The following RHAG variants were observed in gnomAD, a reference collection of about 807,000 sequenced individuals.
The protein encoded by RHAG is ammonium transporter Rh type A.
RHAG carries 25 observed loss-of-function variants against 42.4 expected under a neutral mutation model. The observed-to-expected ratio is 0.59, with a 90% CI of 0.43 to 0.82. The LOEUF (loss-of-function observed/expected upper bound fraction) is 0.82, where lower values mean the gene tolerates loss of function less well. RHAG is among the 40% of genes least tolerant of loss of function. The probability of loss-of-function intolerance (pLI) is 0.00; values close to 1 mark genes in which losing one functional copy is unlikely to be tolerated. For synonymous variants in RHAG, 182 were observed against 177.7 expected (o/e 1.02, Z -0.19); for missense variants, 483 against 504.6 (o/e 0.96, Z 0.41).
chr6:49,634,502 G>A lies in RHAG; in HGVS notation c.157+2154C>T, dbSNP rs1050708676. Among the ~76,000 whole-genome samples the A allele has an allele frequency of 3.3e-5, 5 of 152,034 alleles. No individual in the cohort carries two copies. The South Asian group carries it at 6.2e-4, about 19-fold the overall frequency. On this transcript the variant is annotated intron_variant, in intron 1 of 9. Transcript: ENST00000371175. ...GAAATCAGTATATTGAAGAGAAAGA[G>A]ATATCTGCACTCTTATGTTTATTGC... is the stretch of plus-strand genomic sequence containing the variant.
At chr6:49,607,949 T>G (rs1292878213) in intron 7 of RHAG, among the ~76,000 whole-genome samples, 1 of 152,158 alleles carries the variant, frequency 6.6e-6, no homozygotes, top group African/African-American at 2.4e-5. Context: ...AGGGAAAGGA[T>G]GCACTAAACT....
intron 7 of RHAG, among the ~76,000 whole-genome samples, chr6:49,607,575 G>A (rs1762495707): frequency 6.6e-6 from 1 of 152,208 alleles, no homozygotes; most frequent in African/African-American, 2.4e-5. Context: ...TCTAGGAACA[G>A]AGGATAGAGT....
At chr6:49,612,232 C>A (rs1268797) in intron 6 of RHAG, among the ~76,000 whole-genome samples, 165 bp downstream of exon 6, 11 of 152,088 alleles carry the variant, frequency 7.2e-5, no homozygotes, top group South Asian at 2.1e-4. Flanking sequence ...CAGAGTAGAA[C>A]CACTGAACCA....
rs147563393 is a variant in RHAG, at chr6:49,618,928, T to G, written c.341+251A>C. On this transcript the variant is annotated intron_variant, in intron 2 of 9. Transcript: ENST00000371175. ...AAGATCAAGATGCTGACAGACTTGGTGTCTGATGAGGGCTCCCTTTCTGGT... is the reference window on the plus strand; with the variant it reads ...AAGATCAAGATGCTGACAGACTTGGGGTCTGATGAGGGCTCCCTTTCTGGT... Among the ~76,000 whole-genome samples, 562 of 152,260 alleles carry G rather than the reference T, an allele frequency of 3.7e-3. 5 individuals carry two copies. Among genetic ancestry groups the G allele is most frequent in the African/African-American group, 0.012 (488 of 41,540 alleles).
chr6:49,610,186 T>C (rs1325170831), intron 7 of RHAG, among the ~76,000 whole-genome samples: 1 of 152,168 alleles, frequency 6.6e-6, no homozygotes, highest in African/African-American at 2.4e-5. Flanking sequence ...TGTATACCTA[T>C]GTAATAAACC....
chr6:49,625,920 CA>C (rs1762835472), intron 1 of RHAG, among the ~76,000 whole-genome samples: 1 of 152,152 alleles, frequency 6.6e-6, no homozygotes, highest in Non-Finnish European at 1.5e-5. Context: ...TTGTGTAGGA[CA>C]ACTCCCCTTT....
At position 49,605,606 on chromosome 6, in the gene RHAG, C is replaced by T. The variant is rs76779158; in HGVS notation, c.*207G>A. On this transcript the variant is annotated 3_prime_UTR_variant, in exon 10 of 10. Coordinates refer to ENST00000371175, the MANE Select transcript of RHAG (RefSeq NM_000324.3). ...CAATTAATCATTGAAGAGCAAGAGACAGCATCAGACATAAGGACATTTTTA... is the reference window on the plus strand; with the variant it reads ...CAATTAATCATTGAAGAGCAAGAGATAGCATCAGACATAAGGACATTTTTA... 1,412 of 660,390 alleles carry T rather than the reference C, an allele frequency of 2.1e-3. 16 individuals are homozygous for T. The African/African-American group carries it at 0.022, about 10-fold the overall frequency. 40.9% of individuals were successfully genotyped at this position (660,390 alleles called of 1,614,324 possible). A position where few individuals can be genotyped will look rare whatever the true frequency, so the allele number is the denominator to read the frequency against.
chr6:49,608,404 G>A (rs572353832), intron 7 of RHAG, among the ~76,000 whole-genome samples: 2 of 151,810 alleles, frequency 1.3e-5, no homozygotes, highest in Non-Finnish European at 2.9e-5. Context: ...TTTTTGAGAC[G>A]GAGTCTCGCT....
chr6:49,626,341 T>A (rs952959012), intron 1 of RHAG, among the ~76,000 whole-genome samples: 1 of 152,178 alleles, frequency 6.6e-6, no homozygotes. Flanking sequence ...ATGGGAGAAA[T>A]TGGCAAAAAC....
At chr6:49,630,099 G>T (rs751760970) in intron 1 of RHAG, among the ~76,000 whole-genome samples, 3 of 152,204 alleles carry the variant, frequency 2.0e-5, no homozygotes, top group Non-Finnish European at 2.9e-5. Flanking sequence ...CTGCCAGCAC[G>T]CTGTCACCTC....
At chr6:49,621,264 G>C (rs965493667) in intron 1 of RHAG, among the ~76,000 whole-genome samples, 1 of 152,282 alleles carries the variant, frequency 6.6e-6, no homozygotes. Flanking sequence ...GGTCAGGAGT[G>C]CCGCCAGATG....
At chr6:49,605,998 A>G (rs1774156917) in intron 9 of RHAG, among the ~76,000 whole-genome samples, 168 bp from the exon 10 acceptor site, 1 of 152,204 alleles carries the variant, frequency 6.6e-6, no homozygotes, top group Admixed American at 6.5e-5. Context: ...CATTTATCTC[A>G]CCCACCCTGA....
At chr6:49,621,313 C>G (rs1762756003) in intron 1 of RHAG, among the ~76,000 whole-genome samples, 1 of 152,184 alleles carries the variant, frequency 6.6e-6, no homozygotes, top group Non-Finnish European at 1.5e-5. Context: ...AAATGCTCTT[C>G]TTTTGCTCAA....
chr6:49,618,667 G>A (rs1762697741), intron 2 of RHAG, among the ~76,000 whole-genome samples: 1 of 152,174 alleles, frequency 6.6e-6, no homozygotes, highest in Non-Finnish European at 1.5e-5. Flanking sequence ...GTAGAGGAAG[G>A]CATTGATTCA....
At chr6:49,626,822 A>G (rs1342988908) in intron 1 of RHAG, among the ~76,000 whole-genome samples, 2 of 152,282 alleles carry the variant, frequency 1.3e-5, no homozygotes, top group African/African-American at 4.8e-5. Flanking sequence ...CCCAAACTTC[A>G]ATTCTTGACT....
In RHAG at chr6:49,619,239, C is replaced by T. The variant is rs1344188537; in HGVS notation, c.281G>A (p.Gly94Asp). The T allele has an allele frequency of 1.2e-6, 2 of 1,614,066 alleles. No individual in the cohort carries two copies. The highest frequency in any genetic ancestry group is 1.7e-6 in the Non-Finnish European group (2 of 1,179,980). ...TTGCAGGATTCCCTGTACAATAGTG[C>T]CCCACTGGAGGCCCAAAGCAGCAAC... The part of the protein sequence containing the change: ...LLVAALGLQW[G>D]TIVQGILQSQ... Residue 94 changes from glycine to aspartate, a missense_variant, in exon 2 of 10, where the codon GGC becomes GAC. By Grantham distance (94) the Gly-to-Asp change is moderately conservative (BLOSUM62 -1). Transcript: ENST00000371175.
chr6:49,607,494 C>A (rs1762494879), intron 7 of RHAG, among the ~76,000 whole-genome samples: 1 of 152,160 alleles, frequency 6.6e-6, no homozygotes, highest in Non-Finnish European at 1.5e-5. Context: ...GGGTTTAGCA[C>A]TCTCAAAAAA....
rs548378013 is a variant in RHAG, at chr6:49,614,909, G to C, written c.641-56C>G. The C allele has an allele frequency of 2.2e-4, 321 of 1,475,306 alleles. 1 individual carries two copies. In the African/African-American group the frequency reaches 2.9e-3, roughly 13 times the overall value. The allele number at this position is 1,475,306 out of a possible 1,614,324, so 91.4% of individuals were successfully genotyped here. Reference sequence around the variant, plus strand: ...TCTGAATATGGAAGACAGTCCAGAGGATGCAGTTTGCTTTATTTATTTATT... The same window carrying C: ...TCTGAATATGGAAGACAGTCCAGAGCATGCAGTTTGCTTTATTTATTTATT... On this transcript the variant is annotated intron_variant, in intron 4 of 9. Transcript: ENST00000371175.
chr6:49,606,300 C>T (rs928476188), intron 9 of RHAG, among the ~76,000 whole-genome samples: 2 of 151,962 alleles, frequency 1.3e-5, no homozygotes, highest in Admixed American at 1.3e-4. Context: ...CCAAATAAAC[C>T]TGTGGACTAT....
Sources: gnomAD v4.1 joint callset for allele counts (sites outside exome capture counted in the v4.1 genomes callset) on GRCh38, gnomAD v4.1.1 for gene constraint, MANE v1.5 for transcripts, NCBI Gene and HGNC (gene_info 2026-07-23, HGNC 2026-07-21) for gene names.